NAV2: variants seen among roughly 807,000 people sequenced by gnomAD.
The protein encoded by NAV2 is helicase, APC down-regulated 1.
Under a neutral mutation model 223.2 loss-of-function variants are expected in NAV2, and 54 were observed. The observed-to-expected ratio is 0.24, with a 90% CI of 0.19 to 0.30. NAV2 has a LOEUF of 0.30. NAV2 is among the 10% of genes least tolerant of loss of function. The pLI is 1.00. For missense variants in NAV2, 2,806 were observed against 3,147.5 expected (o/e 0.89, Z 2.60); for synonymous variants, 1,279 against 1,239.3 (o/e 1.03, Z -0.67).
At chr11:19,536,355 A>T (rs1487385516) in intron 1 of NAV2, among the ~76,000 whole-genome samples, 1 of 152,122 alleles carries the variant, frequency 6.6e-6, no homozygotes, top group Admixed American at 6.6e-5. Flanking sequence ...AAGTGTCCCC[A>T]CTTGAACACC....
At chr11:19,392,562 G>A (rs1418558590) in intron 1 of NAV2, among the ~76,000 whole-genome samples, 7 of 152,054 alleles carry the variant, frequency 4.6e-5, no homozygotes, top group Admixed American at 4.6e-4. Context: ...ATCCAGGAGG[G>A]AGCATCCTGA....
chr11:19,533,988 G>C (rs973119144), intron 1 of NAV2, among the ~76,000 whole-genome samples: 1 of 151,854 alleles, frequency 6.6e-6, no homozygotes, highest in African/African-American at 2.4e-5. Context: ...TTACAGGCGT[G>C]AGCCACCGCG....
chr11:19,860,296 G>A (rs2061676445), intron 3 of NAV2, among the ~76,000 whole-genome samples: 1 of 134,548 alleles, frequency 7.4e-6, no homozygotes, highest in Non-Finnish European at 1.6e-5. Context: ...CGGGCGGAGG[G>A]GCTCCTCACT....
intron 11 of NAV2, among the ~76,000 whole-genome samples, chr11:19,989,750 T>A (rs1452703633): frequency 6.6e-6 from 1 of 152,134 alleles, no homozygotes; most frequent in Admixed American, 6.6e-5. Context: ...TTTCATAGAT[T>A]TGAAGCAGTG....
chr11:19,595,041 G>A (rs183749229), intron 1 of NAV2, among the ~76,000 whole-genome samples: 3 of 152,294 alleles, frequency 2.0e-5, no homozygotes, highest in South Asian at 4.1e-4. Flanking sequence ...CCCAGGAAGC[G>A]ATGTGAGAGA....
chr11:19,531,181 C>A (rs2044017853), intron 1 of NAV2, among the ~76,000 whole-genome samples: 1 of 152,150 alleles, frequency 6.6e-6, no homozygotes, highest in Non-Finnish European at 1.5e-5. Flanking sequence ...CAGATAAAAT[C>A]TTTGCCTTCA....
At chr11:19,418,551 C>T (rs188937108) in intron 1 of NAV2, among the ~76,000 whole-genome samples, 1 of 152,314 alleles carries the variant, frequency 6.6e-6, no homozygotes, top group African/African-American at 2.4e-5. Flanking sequence ...GAGCGATCAG[C>T]ATGTGTAATC....
At chr11:19,442,834 G>A (rs1291552702) in intron 1 of NAV2, among the ~76,000 whole-genome samples, 2 of 152,206 alleles carry the variant, frequency 1.3e-5, no homozygotes, top group South Asian at 2.1e-4. Flanking sequence ...CTTCAAGAAT[G>A]TGCTTGTTTC....
At chr11:19,983,931 G>A (rs537716076) in intron 10 of NAV2, among the ~76,000 whole-genome samples, 194 bp from the exon 11 acceptor site, 2 of 152,166 alleles carry the variant, frequency 1.3e-5, no homozygotes, top group South Asian at 2.1e-4. Context: ...TTTTGTTAGC[G>A]AGCTGGGGAT....
At chr11:19,362,597 C>T (rs546865852) in intron 1 of NAV2, among the ~76,000 whole-genome samples, 2 of 152,076 alleles carry the variant, frequency 1.3e-5, no homozygotes, top group Non-Finnish European at 2.9e-5. Context: ...CAATAGATAA[C>T]ATCTTTAATT....
At chr11:19,358,716 A>T (rs1030869746) in intron 1 of NAV2, among the ~76,000 whole-genome samples, 1 of 152,192 alleles carries the variant, frequency 6.6e-6, no homozygotes, top group African/African-American at 2.4e-5. Context: ...TCTGCTTCTT[A>T]GGTGAGTAAG....
chr11:19,981,924 T>C (rs1227007270), intron 10 of NAV2, among the ~76,000 whole-genome samples: 4 of 152,170 alleles, frequency 2.6e-5, no homozygotes, highest in African/African-American at 4.8e-5. Flanking sequence ...AAACCTGTAA[T>C]CAGTGTTCTT....
chr11:19,924,234 T>A (rs903057012), intron 6 of NAV2, among the ~76,000 whole-genome samples: 1 of 151,230 alleles, frequency 6.6e-6, no homozygotes, highest in African/African-American at 2.4e-5. Flanking sequence ...TTTAAGAACA[T>A]ACCTTGTAAA....
intron 1 of NAV2, among the ~76,000 whole-genome samples, chr11:19,657,495 G>A (rs974874139): frequency 3.8e-4 from 58 of 152,216 alleles, no homozygotes; most frequent in African/African-American, 1.4e-3. Flanking sequence ...CAAGTTGGCT[G>A]TGTATATTAG....
intron 1 of NAV2, among the ~76,000 whole-genome samples, chr11:19,703,100 G>A (rs1230163743): frequency 6.6e-6 from 1 of 151,340 alleles, no homozygotes; most frequent in Non-Finnish European, 1.5e-5. Flanking sequence ...AATTTTAACA[G>A]TAGGCTAATA....
chr11:19,660,403 G>T (rs16937087), intron 1 of NAV2, among the ~76,000 whole-genome samples: 7,784 of 152,186 alleles, frequency 0.051, 676 homozygotes, highest in African/African-American at 0.18. Context: ...CTGGACATTA[G>T]GGTTCATACG....
intron 1 of NAV2, among the ~76,000 whole-genome samples, chr11:19,583,353 A>G (rs1478501233): frequency 2.6e-5 from 4 of 152,158 alleles, no homozygotes; most frequent in African/African-American, 9.7e-5. Flanking sequence ...TCTTTTCCTA[A>G]TTGAATACCC....
At chr11:19,387,910 T>A (rs1849105799) in intron 1 of NAV2, among the ~76,000 whole-genome samples, 1 of 152,202 alleles carries the variant, frequency 6.6e-6, no homozygotes, top group African/African-American at 2.4e-5. Context: ...ACCCACTTGT[T>A]CTCTTATGCA....
rs372623590 is a variant in NAV2, at chr11:19,369,187, C to T, written c.75+18160C>T. 9.2e-5 allele frequency among the ~76,000 whole-genome samples: 14 copies of T among 152,222 alleles called. No individual in the cohort carries two copies. In the South Asian group the frequency reaches 1.7e-3, roughly 18 times the overall value. On this transcript the variant is annotated intron_variant, in intron 1 of 37. Coordinates refer to the NAV2 transcript ENST00000360655. Reference sequence around the variant, plus strand: ...AATTATGGTTCTTTAAAAAGAGGCTCGCATATGTTTTTGAGCAAACTTAAC... The same window carrying T: ...AATTATGGTTCTTTAAAAAGAGGCTTGCATATGTTTTTGAGCAAACTTAAC...
Sources: allele counts gnomAD v4.1 joint callset (sites outside exome capture counted in the v4.1 genomes callset), GRCh38; gene constraint gnomAD v4.1.1; transcripts MANE v1.5; gene names NCBI Gene and HGNC (gene_info 2026-07-23, HGNC 2026-07-21).